Variants in TSHZ3 observed in about 807,000 individuals in gnomAD.
TSHZ3 encodes teashirt zinc finger homeobox 3.
Under a neutral mutation model 64.5 loss-of-function variants are expected in TSHZ3, and 10 were observed. That is an observed-to-expected ratio of 0.16 (90% CI 0.10 to 0.26). The LOEUF is 0.26. Ranked by LOEUF, TSHZ3 falls within the 10% of genes least tolerant of loss-of-function variation. The pLI is 1.00. For missense variants in TSHZ3, 1,242 were observed against 1,421.7 expected (o/e 0.87, Z 2.03); for synonymous variants, 608 against 593.1 (o/e 1.03, Z -0.36).
At position 31,214,814 on chromosome 19, in the gene TSHZ3, A is replaced by C. The variant is rs1975305228; in HGVS notation, n.687-9736T>G. Reference sequence around the variant, plus strand: ...TCCCAGCTACTCGGGAGGCTGAGGCAGGAGAATGGCGTGAACCCGGGAGGC... The same window carrying C: ...TCCCAGCTACTCGGGAGGCTGAGGCCGGAGAATGGCGTGAACCCGGGAGGC... On this transcript the variant is annotated intron_variant and non_coding_transcript_variant, in intron 4 of 6. Coordinates refer to the TSHZ3 transcript ENST00000651361. 2.0e-5 allele frequency among the ~76,000 whole-genome samples: 3 copies of C among 150,266 alleles called. No homozygotes were observed. The South Asian group carries it at 6.5e-4, about 32-fold the overall frequency.
rs111848817 is a variant in TSHZ3 at position 31,196,161 on chromosome 19, A to G, written n.809+8795T>C. Among the ~76,000 whole-genome samples the G allele has an allele frequency of 7.3e-3, 1,108 of 152,076 alleles. 1 individual carries two copies. Among genetic ancestry groups the G allele is most frequent in the Non-Finnish European group, 0.012 (829 of 67,818 alleles). On this transcript the variant is annotated intron_variant and non_coding_transcript_variant, in intron 5 of 6. Coordinates refer to the TSHZ3 transcript ENST00000651361. ...ACATAAGGGACGGGAAGGAAGAATT[A>G]GGAGTATTTTGTTATTAAAGTATTC... is the stretch of plus-strand genomic sequence containing the variant.
At chr19:31,161,998 A>C (rs1410817205) in intron 5 of TSHZ3, among the ~76,000 whole-genome samples, 1 of 152,204 alleles carries the variant, frequency 6.6e-6, no homozygotes, top group Non-Finnish European at 1.5e-5. Flanking sequence ...TGATATCTGT[A>C]GGTCACTTTC....
intron 4 of TSHZ3, among the ~76,000 whole-genome samples, chr19:31,206,170 T>A (rs1371342360): frequency 6.6e-6 from 1 of 151,718 alleles, no homozygotes; most frequent in Non-Finnish European, 1.5e-5. Context: ...AATGGATAGA[T>A]CGATGAGTGG....
At chr19:31,323,214 T>C (rs1313597547) in intron 1 of TSHZ3, among the ~76,000 whole-genome samples, 27 of 152,214 alleles carry the variant, frequency 1.8e-4, no homozygotes, top group Admixed American at 1.8e-3. Flanking sequence ...GGCCTCCCTC[T>C]TCCAGCCAGG....
At chr19:31,200,657 C>G (rs551308932) in intron 5 of TSHZ3, among the ~76,000 whole-genome samples, 1 of 152,260 alleles carries the variant, frequency 6.6e-6, no homozygotes, top group African/African-American at 2.4e-5. Context: ...GTTGCATACT[C>G]ATTAGGCATT....
At position 31,256,854 on chromosome 19, in the gene TSHZ3, C is replaced by T. The variant is rs548172723; in HGVS notation, n.64-13979G>A. ...GCTGATTCCTCTGTGTTCCCTGTCT[C>T]GATCTCCATCCCACAGCATTGTCCT... On this transcript the variant is annotated intron_variant and non_coding_transcript_variant, in intron 1 of 6. Transcript: ENST00000651361. Among the ~76,000 whole-genome samples, 5 of 152,272 alleles carry T rather than the reference C, an allele frequency of 3.3e-5. No homozygotes were observed. The East Asian group carries it at 7.8e-4, about 24-fold the overall frequency.
chr19:31,203,524 A>C (rs1975117969), intron 5 of TSHZ3, among the ~76,000 whole-genome samples: 1 of 152,158 alleles, frequency 6.6e-6, no homozygotes, highest in South Asian at 2.1e-4. Flanking sequence ...CCATCTTTGC[A>C]GTTCTTATGC....
At chr19:31,210,252 A>G (rs1173189750) in intron 4 of TSHZ3, among the ~76,000 whole-genome samples, 1 of 152,174 alleles carries the variant, frequency 6.6e-6, no homozygotes, top group East Asian at 1.9e-4. Context: ...CAAGAAAAGC[A>G]GGAATGGGAA....
chr19:31,272,904 C>T (rs188241166), downstream of TSHZ3, among the ~76,000 whole-genome samples: 7 of 152,294 alleles, frequency 4.6e-5, no homozygotes, highest in East Asian at 1.4e-3. Context: ...CATCCCCCCT[C>T]CTCCCTGCAC....
chr19:31,346,366 T>C (rs1017803516), intron 1 of TSHZ3, among the ~76,000 whole-genome samples: 1 of 152,212 alleles, frequency 6.6e-6, no homozygotes, highest in African/African-American at 2.4e-5. Context: ...GCCAGGACTG[T>C]GTAATATCAA....
chr19:31,160,356 G>T (rs1254468844), intron 5 of TSHZ3, among the ~76,000 whole-genome samples: 1 of 152,132 alleles, frequency 6.6e-6, no homozygotes, highest in Non-Finnish European at 1.5e-5. Flanking sequence ...ACGCTCTGCG[G>T]TCTATCTGCC....
intron 1 of TSHZ3, among the ~76,000 whole-genome samples, chr19:31,341,630 GACACACACAC>G (rs57786287): frequency 0.017 from 2,392 of 138,054 alleles, 64 homozygotes; most frequent in African/African-American, 0.057. Context: ...CTCTCTCTCT[GACACACACAC>G]ACACACACAC....
At chr19:31,155,882 C>A (rs991357654) in intron 6 of TSHZ3, among the ~76,000 whole-genome samples, 1 of 152,190 alleles carries the variant, frequency 6.6e-6, no homozygotes, top group African/African-American at 2.4e-5. Context: ...TGGAGGAGAA[C>A]CTTTCACAAG....
At chr19:31,257,070 C>A (rs6510195) in intron 1 of TSHZ3, among the ~76,000 whole-genome samples, 51,811 of 151,928 alleles carry the variant, frequency 0.34, 13,190 homozygotes, top group African/African-American at 0.71. Flanking sequence ...TGCTCCAGGG[C>A]GGGTGCTCCA....
At chr19:31,280,307 T>C (rs1976339190) in intron 1 of TSHZ3, among the ~76,000 whole-genome samples, 1 of 151,990 alleles carries the variant, frequency 6.6e-6, no homozygotes, top group African/African-American at 2.4e-5. Flanking sequence ...AGTACGTCCA[T>C]TGTAATAAGG....
At chr19:31,251,249 G>T (rs920695756) in intron 1 of TSHZ3, among the ~76,000 whole-genome samples, 1 of 152,148 alleles carries the variant, frequency 6.6e-6, no homozygotes, top group Non-Finnish European at 1.5e-5. Flanking sequence ...AGATACAGGG[G>T]ACATGTCTGC....
chr19:31,278,606 T>C lies in TSHZ3; in HGVS notation c.1187A>G (p.Asp396Gly). ...LKCMECGSSH[D>G]TLQELTAHMM... is the part of the protein sequence containing the mutation. ...GTGGGCAGTGAGCTCCTGCAGGGTG[T>C]CATGCGAGCTCCCACACTCCATGCA... Residue 396 changes from aspartate to glycine, a missense_variant, in exon 2 of 2, where the codon GAC becomes GGC. Around this residue, in one of 4 missense-constraint regions of TSHZ3, gnomAD observed 555 missense variants for 704.0 expected, o/e 0.79. Coordinates refer to ENST00000240587, the MANE Select transcript of TSHZ3 (RefSeq NM_020856.4). The surrounding 1 kb of genome is among the most constrained non-coding windows in gnomAD (Gnocchi z 4.7). The C allele has an allele frequency of 6.2e-7, 1 of 1,614,158 alleles. No individual in the cohort carries two copies. The highest frequency in any genetic ancestry group is 8.5e-7 in the Non-Finnish European group (1 of 1,180,022).
chr19:31,300,766 G>A (rs940931985), intron 1 of TSHZ3, among the ~76,000 whole-genome samples: 16 of 152,114 alleles, frequency 1.1e-4, no homozygotes, highest in Non-Finnish European at 2.1e-4. Flanking sequence ...TCGGTAGGAA[G>A]TCACAGCCCC....
intron 1 of TSHZ3, among the ~76,000 whole-genome samples, chr19:31,293,271 C>T (rs1976606430): frequency 6.6e-6 from 1 of 152,200 alleles, no homozygotes; most frequent in Admixed American, 6.5e-5. Flanking sequence ...ACAGGCTATA[C>T]TTTTATGTAC....
Sources: gnomAD v4.1 joint callset for allele counts (sites outside exome capture counted in the v4.1 genomes callset) on GRCh38, gnomAD v4.1.1 for gene constraint, gnomAD v4.1.1 regional missense constraint, Gnocchi (gnomAD v3.1) non-coding constraint, MANE v1.5 for transcripts, NCBI Gene and HGNC (gene_info 2026-07-23, HGNC 2026-07-21) for gene names.